The following MORC4 variants were observed in gnomAD, a reference collection of about 807,000 sequenced individuals.
The protein encoded by MORC4 is MORC family CW-type zinc finger 4, also known as MORC family CW-type zinc finger protein 4.
MORC4 carries 22 observed loss-of-function variants against 65.5 expected under a neutral mutation model. That is an observed-to-expected ratio of 0.34 (90% CI 0.24 to 0.48). The LOEUF is 0.48. Among genes scored for constraint, MORC4 ranks in the 20% least tolerant of loss-of-function variants. MORC4 has a pLI of 0.99. For synonymous variants in MORC4, 267 were observed against 255.8 expected (o/e 1.04, Z -0.42); for missense variants, 624 against 703.0 (o/e 0.89, Z 1.27).
chrX:106,996,445 T>C lies in MORC4; in HGVS notation c.176-3083A>G, dbSNP rs181709868. On this transcript the variant is annotated intron_variant, in intron 2 of 16. Transcript: ENST00000355610. ...TGGCCCTTCATTCGGTCTCAGCAAATGAAATTACAATAATAATAAGGCTGG... is the reference window on the plus strand; with the variant it reads ...TGGCCCTTCATTCGGTCTCAGCAAACGAAATTACAATAATAATAAGGCTGG... 1.6e-3 allele frequency among the ~76,000 whole-genome samples: 181 copies of C among 110,488 alleles called. 1 individual carries two copies. Among genetic ancestry groups the C allele is most frequent in the African/African-American group, 5.5e-3 (167 of 30,366 alleles).
intron 9 of MORC4, among the ~76,000 whole-genome samples, chrX:106,967,580 ACGAATGG>A (rs1934404980): frequency 8.9e-6 from 1 of 112,230 alleles, no homozygotes; most frequent in African/African-American, 3.2e-5. Context: ...AAAAGGTTAG[ACGAATGG>A]CTAATTAGAA....
intron 9 of MORC4, among the ~76,000 whole-genome samples, chrX:106,972,237 T>C (rs1406480971): frequency 1.8e-5 from 2 of 110,995 alleles, no homozygotes; most frequent in African/African-American, 6.6e-5. Flanking sequence ...AAACACCGCA[T>C]GTTCTCACTC....
intron 9 of MORC4, among the ~76,000 whole-genome samples, chrX:106,965,938 G>T (rs1934363132): frequency 8.9e-6 from 1 of 112,103 alleles, no homozygotes; most frequent in Non-Finnish European, 1.9e-5. Context: ...AGAAAGCTTA[G>T]CAGAACTGTC....
intron 3 of MORC4, among the ~76,000 whole-genome samples, chrX:106,988,824 A>G (rs1223887517): frequency 8.9e-6 from 1 of 112,044 alleles, no homozygotes; most frequent in Non-Finnish European, 1.9e-5. Context: ...GTGGAATCCA[A>G]AAATACAGCA....
intron 9 of MORC4, among the ~76,000 whole-genome samples, chrX:106,969,450 G>T (rs1372630095): frequency 1.8e-5 from 2 of 111,698 alleles, no homozygotes; most frequent in Non-Finnish European, 3.8e-5. Flanking sequence ...TCAAAAGCTA[G>T]CAGAAGGCAA....
In MORC4 at chrX:106,981,489, A is replaced by G. The variant is rs371997456; in HGVS notation, c.675-12T>C. 1.4e-5 allele frequency: 17 copies of G among 1,176,499 alleles called. No individual in the cohort carries two copies. The highest frequency in any genetic ancestry group is 1.8e-5 in the Non-Finnish European group (16 of 880,715). ...TTCCATTTTTATTTCTGGGGAAAAGAGACAAGTACCAATCTAACAAAAACT... is the reference window on the plus strand; with the variant it reads ...TTCCATTTTTATTTCTGGGGAAAAGGGACAAGTACCAATCTAACAAAAACT... On this transcript the variant is annotated splice_polypyrimidine_tract_variant and intron_variant, in intron 5 of 16. Coordinates refer to ENST00000355610, the MANE Select transcript of MORC4 (RefSeq NM_024657.5).
At chrX:106,947,591 A>ATAT (rs1411668743) in intron 14 of MORC4, among the ~76,000 whole-genome samples, 5 of 83,142 alleles carry the variant, frequency 6.0e-5, no homozygotes, top group African/African-American at 2.2e-4. Flanking sequence ...ATATATATAT[A>ATAT]ATATATATAT....
chrX:106,953,519 TG>T (rs1230211484), intron 14 of MORC4, among the ~76,000 whole-genome samples: 2 of 112,063 alleles, frequency 1.8e-5, no homozygotes, highest in Non-Finnish European at 3.8e-5. Context: ...CTCAAGCTCC[TG>T]AGACTAAGGC....
In MORC4 at chrX:106,942,721, C is replaced by T. The variant is rs139105737; in HGVS notation, c.2170G>A (p.Ala724Thr). Residue 724 changes from alanine (A) to threonine (T), a missense_variant, in exon 15 of 17, where the codon GCA becomes ACA. Coordinates refer to ENST00000355610, the MANE Select transcript of MORC4 (RefSeq NM_024657.5). ...GGCACTGGGTTCCAGGATTCAACTGCTTTTCGTCTCTCAGCAAGCTCCTCT... is the reference window on the plus strand; with the variant it reads ...GGCACTGGGTTCCAGGATTCAACTGTTTTTCGTCTCTCAGCAAGCTCCTCT... ...NREELAERRK[A>T]VESWNPVPYS... 7,637 of 1,209,820 alleles carry T rather than the reference C, an allele frequency of 6.3e-3. 26 individuals carry two copies. Among genetic ancestry groups the T allele is most frequent in the Non-Finnish European group, 7.3e-3 (6,546 of 895,167 alleles).
At chrX:106,970,854 T>G (rs1259185668) in intron 9 of MORC4, among the ~76,000 whole-genome samples, 1 of 111,800 alleles carries the variant, frequency 8.9e-6, no homozygotes, top group Non-Finnish European at 1.9e-5. Context: ...TGCTCATGGA[T>G]AGGAAGAACA....
intron 3 of MORC4, among the ~76,000 whole-genome samples, chrX:106,992,090 C>T (rs1168506051): frequency 2.7e-5 from 3 of 111,956 alleles, no homozygotes; most frequent in Admixed American, 9.5e-5. Flanking sequence ...CCTTCACTAA[C>T]ATACTGGTCA....
intron 3 of MORC4, among the ~76,000 whole-genome samples, chrX:106,992,662 C>T (rs1414581423): frequency 8.9e-6 from 1 of 112,386 alleles, no homozygotes; most frequent in African/African-American, 3.2e-5. Context: ...TGAATGCCTT[C>T]TATTTACCTT....
chrX:106,947,642 G>C (rs2147803956), intron 14 of MORC4, among the ~76,000 whole-genome samples: 1 of 98,199 alleles, frequency 1.0e-5, no homozygotes, highest in East Asian at 3.2e-4. Flanking sequence ...AGATAGGTTG[G>C]AAGTAAAAGG....
In MORC4 at chrX:106,942,576, A is replaced by G; in HGVS notation, c.2315T>C (p.Leu772Ser). The G allele has an allele frequency of 8.3e-7, 1 of 1,210,468 alleles. No homozygotes were observed. The highest frequency in any genetic ancestry group is 1.1e-6 in the Non-Finnish European group (1 of 895,226). ...TTCCAATTTTTCTGTGGTTCTCTTCAATTCTTCCAGCTCTCTCTGGTTCTT... is the reference window on the plus strand; with the variant it reads ...TTCCAATTTTTCTGTGGTTCTCTTCGATTCTTCCAGCTCTCTCTGGTTCTT... ...KLKNQRELEE[L>S]KRTTEKLERV... The change falls in exon 15 of 17, where the codon TTG becomes TCG. Residue 772 changes from leucine (L) to serine (S), a missense_variant. Leu to Ser is a moderately radical substitution (Grantham distance 145). Transcript: ENST00000355610.
intron 7 of MORC4, among the ~76,000 whole-genome samples, chrX:106,980,056 T>C (rs760399335): frequency 5.4e-5 from 6 of 110,326 alleles, no homozygotes; most frequent in East Asian, 2.8e-4. Context: ...ATAAAGCAAA[T>C]AGAGTGTAAA....
intron 14 of MORC4, among the ~76,000 whole-genome samples, chrX:106,945,157 T>C (rs749379358): frequency 1.8e-5 from 2 of 111,686 alleles, no homozygotes; most frequent in East Asian, 5.7e-4. Flanking sequence ...GTGGGATTAT[T>C]ATCTCCACTG....
chrX:106,945,929 C>G (rs1933815369), intron 14 of MORC4, among the ~76,000 whole-genome samples: 1 of 111,614 alleles, frequency 9.0e-6, no homozygotes, highest in Non-Finnish European at 1.9e-5. Flanking sequence ...TATTATTTCA[C>G]TAACCAAGAC....
At position 106,993,336 on chromosome X, in the gene MORC4, C is replaced by A; in HGVS notation, c.202G>T (p.Ala68Ser). ...TCAACATCTATAAAGACCGTCCTGG[C>A]AGATACATCTGGATCTACAGCATTA... ...LDNAVDPDVS[A>S]RTVFIDVEEV... is the part of the protein sequence containing the mutation. The change falls in exon 3 of 17, where the codon GCC becomes TCC. Residue 68 changes from alanine (A) to serine (S), a missense_variant. By Grantham distance (99) the Ala-to-Ser change is moderately conservative. Transcript: ENST00000355610. 8.3e-7 allele frequency: 1 copy of A among 1,209,264 alleles called. No homozygotes were observed. Among genetic ancestry groups the A allele is most frequent in the Non-Finnish European group, 1.1e-6 (1 of 893,770 alleles).
intron 9 of MORC4, among the ~76,000 whole-genome samples, chrX:106,971,108 C>T (rs1934499859): frequency 9.0e-6 from 1 of 111,434 alleles, no homozygotes; most frequent in African/African-American, 3.3e-5. Flanking sequence ...GTACTGGTAC[C>T]AAAACAGATA....
Sources: allele counts gnomAD v4.1 joint callset (sites outside exome capture counted in the v4.1 genomes callset), GRCh38; gene constraint gnomAD v4.1.1; transcripts MANE v1.5; gene names NCBI Gene and HGNC (gene_info 2026-07-23, HGNC 2026-07-21).